GAN: variants seen among roughly 807,000 people sequenced by gnomAD.
The protein encoded by GAN is epididymis secretory sperm binding protein.
In GAN, 48 loss-of-function variants were observed where a neutral mutation model predicts 71.3. The observed-to-expected ratio is 0.67, with a 90% CI of 0.53 to 0.86. The LOEUF (loss-of-function observed/expected upper bound fraction) is 0.86, where lower values mean the gene tolerates loss of function less well. GAN is among the 40% of genes least tolerant of loss of function. The pLI is 0.00. For missense variants in GAN, 928 were observed against 770.1 expected, an observed-to-expected ratio of 1.21 and a Z score of -2.43; for synonymous variants, 386 against 276.8, an observed-to-expected ratio of 1.39 and a Z score of -3.92.
Position 81,380,105 on chromosome 16 carries a change from T to C in GAN, c.*2509T>C, listed in dbSNP as rs996152049. 2.6e-5 allele frequency: 4 copies of C among 152,646 alleles called. No homozygotes were observed. Among genetic ancestry groups the C allele is most frequent in the African/African-American group, 4.8e-5 (2 of 41,460 alleles). 9.5% of individuals were successfully genotyped at this position (152,646 alleles called of 1,614,324 possible). A position where few individuals can be genotyped will look rare whatever the true frequency, so the allele number is the denominator to read the frequency against. On this transcript the variant is annotated 3_prime_UTR_variant, in exon 11 of 11. Transcript: ENST00000648994. ...TATAGGGATGTATTTAATTTTACTA[T>C]GCTCCAACATTAATCATGACTCTTT...
At position 81,378,256 on chromosome 16, in the gene GAN, G is replaced by T. The variant is rs1904288922; in HGVS notation, c.*660G>T. ...ATGTAAAGATTCAGTAAATTGATGAGTCAGGTTGCAGCCCTCATGTGAACT... is the reference window on the plus strand; with the variant it reads ...ATGTAAAGATTCAGTAAATTGATGATTCAGGTTGCAGCCCTCATGTGAACT... On this transcript the variant is annotated 3_prime_UTR_variant, in exon 11 of 11. Coordinates refer to ENST00000648994, the MANE Select transcript of GAN (RefSeq NM_022041.4). 1 of 155,316 alleles carries T rather than the reference G, an allele frequency of 6.4e-6. No homozygotes were observed. Among genetic ancestry groups the T allele is most frequent in the Non-Finnish European group, 1.4e-5 (1 of 69,980 alleles). The allele number at this position is 155,316 out of a possible 1,614,324, so 9.6% of individuals were successfully genotyped here. A position where few individuals can be genotyped will look rare whatever the true frequency, so the allele number is the denominator to read the frequency against.
intron 1 of GAN, among the ~76,000 whole-genome samples, chr16:81,319,222 A>ATATATATATATC (rs1043279307): frequency 2.7e-5 from 4 of 148,566 alleles, no homozygotes; most frequent in Admixed American, 2.0e-4. Context: ...ATATATATAT[A>ATATATATATATC]TATCTAACAA....
rs1348848555 is a variant in GAN at position 81,315,045 on chromosome 16, G to C, written c.-69G>C. ...CCGGGCGGGCGCGCGCGCAGGACTC[G>C]GGCCGCTCGAGGGGTCCGGCCGGAC... On this transcript the variant is annotated 5_prime_UTR_variant, in exon 1 of 11. Transcript: ENST00000648994. The C allele has an allele frequency of 8.5e-6, 11 of 1,290,804 alleles. No individual in the cohort carries two copies. In the South Asian group the frequency reaches 1.1e-4, roughly 13 times the overall value. The allele number at this position is 1,290,804 out of a possible 1,614,324, so 80.0% of individuals were successfully genotyped here.
At chr16:81,367,313 A>T (rs930916888) in intron 9 of GAN, among the ~76,000 whole-genome samples, 2 of 152,140 alleles carry the variant, frequency 1.3e-5, no homozygotes, top group African/African-American at 2.4e-5. Flanking sequence ...ACTTGAGGCC[A>T]GGAGTTCAAA....
chr16:81,340,218 C>T (rs1398678775), intron 1 of GAN, among the ~76,000 whole-genome samples: 2 of 152,184 alleles, frequency 1.3e-5, no homozygotes, highest in Non-Finnish European at 2.9e-5. Context: ...GGATTACAGG[C>T]GTGAGCCACT....
intron 1 of GAN, among the ~76,000 whole-genome samples, chr16:81,336,624 G>A: frequency 7.4e-6 from 1 of 135,670 alleles, no homozygotes. Flanking sequence ...CACCACCCCA[G>A]TTGGCTAATT....
At chr16:81,363,393 C>G (rs933806514) in intron 6 of GAN, among the ~76,000 whole-genome samples, 1 of 152,166 alleles carries the variant, frequency 6.6e-6, no homozygotes, top group African/African-American at 2.4e-5. Context: ...GAAGAGTGGG[C>G]TGTTAGGGAA....
intron 1 of GAN, among the ~76,000 whole-genome samples, chr16:81,322,026 C>G (rs1248729801): frequency 6.6e-6 from 1 of 152,158 alleles, no homozygotes; most frequent in Non-Finnish European, 1.5e-5. Flanking sequence ...GATTCTGGTG[C>G]TTGGAAGAGC....
At chr16:81,318,154 A>C (rs1020010247) in intron 1 of GAN, among the ~76,000 whole-genome samples, 21 of 152,232 alleles carry the variant, frequency 1.4e-4, no homozygotes, top group African/African-American at 5.1e-4. Flanking sequence ...AATTATATTG[A>C]AACAAAATAT....
At chr16:81,326,747 G>A (rs1200696075) in intron 1 of GAN, among the ~76,000 whole-genome samples, 1 of 152,142 alleles carries the variant, frequency 6.6e-6, no homozygotes, top group Non-Finnish European at 1.5e-5. Flanking sequence ...GCATGTGACT[G>A]TACTGAACAC....
At chr16:81,336,436 C>G (rs565167498) in intron 1 of GAN, among the ~76,000 whole-genome samples, 2 of 152,184 alleles carry the variant, frequency 1.3e-5, no homozygotes, top group East Asian at 1.9e-4. Flanking sequence ...TGAATGGGTA[C>G]TAAAAACATC....
At chr16:81,331,193 C>T (rs144952366) in intron 1 of GAN, among the ~76,000 whole-genome samples, 32 of 152,206 alleles carry the variant, frequency 2.1e-4, no homozygotes, top group African/African-American at 7.7e-4. Flanking sequence ...CAACAGAGAC[C>T]ATGTCTCAAA....
At chr16:81,362,669 G>C (rs573350534) in intron 6 of GAN, 58 bp downstream of exon 6, 2 of 948,224 alleles carry the variant, frequency 2.1e-6, no homozygotes, top group Non-Finnish European at 3.5e-6. Context: ...TAGCGCTTCT[G>C]TTTGTTTTGT....
intron 1 of GAN, among the ~76,000 whole-genome samples, chr16:81,324,526 C>A (rs1177169958): frequency 6.6e-6 from 1 of 152,072 alleles, no homozygotes; most frequent in Non-Finnish European, 1.5e-5. Flanking sequence ...CACCACATAC[C>A]TGGAGATGGT....
At chr16:81,353,263 G>A (rs1910362415) in intron 2 of GAN, among the ~76,000 whole-genome samples, 1 of 142,546 alleles carries the variant, frequency 7.0e-6, no homozygotes, top group Admixed American at 7.0e-5. Flanking sequence ...CTGCACTCCA[G>A]CGTGGGCGAC....
In GAN at chr16:81,390,733, C is replaced by T. The variant is rs1904536185; in HGVS notation, c.*13137C>T. The T allele has an allele frequency of 6.6e-6, 1 of 152,178 alleles. No individual in the cohort carries two copies. Among genetic ancestry groups the T allele is most frequent in the African/African-American group, 2.4e-5 (1 of 41,442 alleles). 9.4% of individuals were successfully genotyped at this position (152,178 alleles called of 1,614,324 possible). A position where few individuals can be genotyped will look rare whatever the true frequency, so the allele number is the denominator to read the frequency against. On this transcript the variant is annotated 3_prime_UTR_variant, in exon 11 of 11. Coordinates refer to ENST00000648994, the MANE Select transcript of GAN (RefSeq NM_022041.4). ...TTCACTTAAAAACTTGAAATATTTT[C>T]TAGAAGGGTACCACACAAAAGGAAT...
Position 81,335,573 on chromosome 16 carries a change from C to T in GAN, c.168-16010C>T, listed in dbSNP as rs190906349. Among the ~76,000 whole-genome samples, 995 of 151,970 alleles carry T rather than the reference C, an allele frequency of 6.5e-3. 36 individuals carry two copies. Among genetic ancestry groups the T allele is most frequent in the Admixed American group, 0.059 (899 of 15,248 alleles). On this transcript the variant is annotated intron_variant, in intron 1 of 10. Coordinates refer to ENST00000648994, the MANE Select transcript of GAN (RefSeq NM_022041.4). ...ACCAGCCTGGCCAATGTGGTGAAAC[C>T]CCATCTCTACTAAAAATACAAAAAT...
In GAN at chr16:81,365,059, A is replaced by G. The variant is rs1462103611; in HGVS notation, c.1322A>G (p.Tyr441Cys). The G allele has an allele frequency of 1.2e-6, 2 of 1,613,888 alleles. No homozygotes were observed. Among genetic ancestry groups the G allele is most frequent in the East Asian group, 2.2e-5 (1 of 44,882 alleles). ...YGKLFESVEC[Y>C]DPRTQQWTAI... Reference sequence around the variant, plus strand: ...AAGCTTTTTGAGTCTGTAGAGTGTTATGATCCCAGGACCCAGCAGTGGACT... The same window carrying G: ...AAGCTTTTTGAGTCTGTAGAGTGTTGTGATCCCAGGACCCAGCAGTGGACT... Residue 441 changes from tyrosine (Y) to cysteine (C), a missense_variant, in exon 8 of 11, where the codon TAT (tyrosine) becomes TGT (cysteine). Transcript: ENST00000648994.
chr16:81,365,143 C>G (rs1299613982), intron 8 of GAN, 33 bp downstream of exon 8: 4 of 1,609,102 alleles, frequency 2.5e-6, no homozygotes, highest in Non-Finnish European at 3.4e-6. Context: ...TTGTAGATTC[C>G]CTTGCTGTTC....
Sources: gnomAD v4.1 joint callset for allele counts (sites outside exome capture counted in the v4.1 genomes callset) on GRCh38, gnomAD v4.1.1 for gene constraint, MANE v1.5 for transcripts, NCBI Gene and HGNC (gene_info 2026-07-23, HGNC 2026-07-21) for gene names.